Variants in PCDHGA12 observed in about 807,000 individuals in gnomAD.
PCDHGA12 encodes protocadherin gamma-A12.
In PCDHGA12, 43 loss-of-function variants were observed where a neutral mutation model predicts 61.1. That is an observed-to-expected ratio of 0.70 (90% CI 0.55 to 0.91). PCDHGA12 has a LOEUF of 0.91. Ranked by LOEUF, PCDHGA12 falls within the 40% of genes least tolerant of loss-of-function variation. The pLI, the probability that PCDHGA12 is intolerant of heterozygous loss-of-function variation, is 0.00. For missense variants in PCDHGA12, 1,236 were observed against 1,227.7 expected, an observed-to-expected ratio of 1.01 and a Z score of -0.10; for synonymous variants, 520 against 542.9, an observed-to-expected ratio of 0.96 and a Z score of 0.59.
Position 141,432,124 on chromosome 5 carries a change from C to G in PCDHGA12, c.1365C>G (p.Ala455=), listed in dbSNP as rs1286909667. Residue 455 remains alanine (A), a synonymous_variant, in exon 1 of 4, where the codon GCC becomes GCG. Transcript: ENST00000252085. The surrounding 1 kb of genome is among the most constrained non-coding windows in gnomAD (Gnocchi z 6.0). ...ACAACCCGCCGGTCTTCCCTCAGGC[C>G]TCCTATTCCGCTTATATCCCAGAGA... The part of the protein sequence containing the change: ...TNDNPPVFPQ[A]SYSAYIPENN... 6.2e-7 allele frequency: 1 copy of G among 1,614,156 alleles called. No homozygotes were observed. The highest frequency in any genetic ancestry group is 1.1e-5 in the South Asian group (1 of 91,066).
chr5:141,437,355 A>C (rs2097877902), intron 1 of PCDHGA12, among the ~76,000 whole-genome samples: 1 of 152,238 alleles, frequency 6.6e-6, no homozygotes, highest in Non-Finnish European at 1.5e-5. Flanking sequence ...ATAGTACCTA[A>C]AATTGGAATG....
At chr5:141,508,824 G>T (rs893436748) in intron 3 of PCDHGA12, among the ~76,000 whole-genome samples, 1 of 151,952 alleles carries the variant, frequency 6.6e-6, no homozygotes, top group Non-Finnish European at 1.5e-5. Context: ...CCAGATCTGG[G>T]CCCCCCTCCC....
chr5:141,460,951 GTA>G (rs200454978), intron 1 of PCDHGA12, among the ~76,000 whole-genome samples: 208 of 139,744 alleles, frequency 1.5e-3, no homozygotes, highest in South Asian at 4.3e-3. Flanking sequence ...TATGTATTAT[GTA>G]TATATATATG....
intron 1 of PCDHGA12, among the ~76,000 whole-genome samples, chr5:141,469,340 G>A (rs1412181099): frequency 6.6e-6 from 1 of 152,138 alleles, no homozygotes; most frequent in Non-Finnish European, 1.5e-5. Context: ...ACTTTGGGAG[G>A]CTGAGGTGGA....
At chr5:141,459,263 C>T (rs2098964603) in intron 1 of PCDHGA12, among the ~76,000 whole-genome samples, 1 of 152,176 alleles carries the variant, frequency 6.6e-6, no homozygotes, top group South Asian at 2.1e-4. Flanking sequence ...ATTAGTGTTG[C>T]CTCTTTCAGA....
chr5:141,437,371 A>C (rs887976412), intron 1 of PCDHGA12, among the ~76,000 whole-genome samples: 1 of 152,262 alleles, frequency 6.6e-6, no homozygotes, highest in African/African-American at 2.4e-5. Context: ...GAATGTAATC[A>C]GTCAGAAGAC....
chr5:141,477,566 C>T lies in PCDHGA12; in HGVS notation c.2425-17241C>T, dbSNP rs749100730. On this transcript the variant is annotated intron_variant, in intron 1 of 3. Coordinates refer to ENST00000252085, the MANE Select transcript of PCDHGA12 (RefSeq NM_003735.3). The surrounding 1 kb of genome is among the most constrained non-coding windows in gnomAD (Gnocchi z 4.9). ...AATACTAAACCTAAGTGTCTGGGAC[C>T]CCGACGCCCCGCAGAATGCTCGGCT... The T allele has an allele frequency of 1.9e-6, 3 of 1,613,988 alleles. No homozygotes were observed. The highest frequency in any genetic ancestry group is 8.5e-7 in the Non-Finnish European group (1 of 1,180,032).
intron 1 of PCDHGA12, among the ~76,000 whole-genome samples, chr5:141,492,165 C>T (rs932762928): frequency 1.4e-4 from 22 of 152,210 alleles, no homozygotes; most frequent in African/African-American, 4.8e-4. Context: ...TCCCTATCCC[C>T]GCATCACCCA....
intron 1 of PCDHGA12, among the ~76,000 whole-genome samples, chr5:141,480,866 G>A (rs1329444129): frequency 6.6e-6 from 1 of 152,142 alleles, no homozygotes; most frequent in Non-Finnish European, 1.5e-5. Flanking sequence ...CCAATATGGT[G>A]AAACCCCGTC....
At chr5:141,475,046 T>C (rs1430484084) in intron 1 of PCDHGA12, among the ~76,000 whole-genome samples, 1 of 152,274 alleles carries the variant, frequency 6.6e-6, no homozygotes, top group African/African-American at 2.4e-5. Context: ...CTTTGTATTT[T>C]CTAAAGATTT....
At chr5:141,457,522 G>A (rs1200640017) in intron 1 of PCDHGA12, among the ~76,000 whole-genome samples, 1 of 152,188 alleles carries the variant, frequency 6.6e-6, no homozygotes, top group Non-Finnish European at 1.5e-5. Flanking sequence ...AACAATTAAT[G>A]AGACTAGGGT....
chr5:141,448,983 T>G (rs1157371020), intron 1 of PCDHGA12, among the ~76,000 whole-genome samples: 1 of 152,004 alleles, frequency 6.6e-6, no homozygotes, highest in East Asian at 1.9e-4. Flanking sequence ...ACTTCCATAT[T>G]AATATATAGA....
At chr5:141,442,754 T>C (rs2098341364) in intron 1 of PCDHGA12, among the ~76,000 whole-genome samples, 1 of 152,220 alleles carries the variant, frequency 6.6e-6, no homozygotes, top group Non-Finnish European at 1.5e-5. Flanking sequence ...GTTTTGATTA[T>C]ATATATTTGT....
intron 2 of PCDHGA12, among the ~76,000 whole-genome samples, chr5:141,502,866 C>CTTTTTTT (rs549047197): frequency 0.02 from 2,590 of 127,990 alleles, 216 homozygotes; most frequent in African/African-American, 0.075. Flanking sequence ...GACTCTCTGT[C>CTTTTTTT]TTTTTTTTTT....
In PCDHGA12 at chr5:141,487,694, AC is replaced by A. The variant is rs1296386169; in HGVS notation, c.2425-7112del. On this transcript the variant is annotated intron_variant, in intron 1 of 3. Coordinates refer to ENST00000252085, the MANE Select transcript of PCDHGA12 (RefSeq NM_003735.3). The surrounding 1 kb of genome is among the most constrained non-coding windows in gnomAD (Gnocchi z 5.0). ...ATGGCTAGGCCATGTCCTAGAGAGT[AC>A]TGGCCTCTCAGTAAGTGCCCATAGT... is the stretch of plus-strand genomic sequence containing the variant. The A allele has an allele frequency of 6.2e-7, 1 of 1,602,048 alleles. No individual in the cohort carries two copies. The highest frequency in any genetic ancestry group is 2.2e-5 in the East Asian group (1 of 44,642).
rs773729429 is a variant in PCDHGA12, at chr5:141,491,406, C to T, written c.2425-3401C>T. ...CGAAGTGCCTTCAGGGAAACGCAGA[C>T]GGGGACGGGGGTGGAGGGCAGTGCT... On this transcript the variant is annotated intron_variant, in intron 1 of 3. Transcript: ENST00000252085. The surrounding 1 kb of genome is among the most constrained non-coding windows in gnomAD (Gnocchi z 6.9). The T allele has an allele frequency of 1.2e-6, 2 of 1,614,096 alleles. No homozygotes were observed. The highest frequency in any genetic ancestry group is 1.7e-6 in the Non-Finnish European group (2 of 1,179,990).
intron 1 of PCDHGA12, among the ~76,000 whole-genome samples, chr5:141,494,469 C>T (rs2099754623): frequency 6.6e-6 from 1 of 152,114 alleles, no homozygotes; most frequent in Non-Finnish European, 1.5e-5. Flanking sequence ...GCACCTCTTC[C>T]CCCAGTTCCA....
Position 141,485,768 on chromosome 5 carries a change from C to A in PCDHGA12, c.2425-9039C>A, listed in dbSNP as rs759191157. 3.7e-6 allele frequency: 6 copies of A among 1,614,192 alleles called. No individual in the cohort carries two copies. Among genetic ancestry groups the A allele is most frequent in the Middle Eastern group, 1.6e-4 (1 of 6,062 alleles). On this transcript the variant is annotated intron_variant, in intron 1 of 3. Coordinates refer to ENST00000252085, the MANE Select transcript of PCDHGA12 (RefSeq NM_003735.3). The surrounding 1 kb of genome is among the most constrained non-coding windows in gnomAD (Gnocchi z 5.7). ...GGTCCCAGAGCTGCTCCTGGAGAAG[C>A]CTTTGGATCGAGAGAAGCAATCGGA...
chr5:141,440,527 T>G (rs1282939317), intron 1 of PCDHGA12: 3 of 152,222 alleles, frequency 2.0e-5, no homozygotes, highest in African/African-American at 7.2e-5. Context: ...TGAAGAATCA[T>G]GCACCACGGT....
Sources: gnomAD v4.1 joint callset for allele counts (sites outside exome capture counted in the v4.1 genomes callset) on GRCh38, gnomAD v4.1.1 for gene constraint, Gnocchi (gnomAD v3.1) non-coding constraint, MANE v1.5 for transcripts, NCBI Gene and HGNC (gene_info 2026-07-23, HGNC 2026-07-21) for gene names.